Variants in MTM1 observed in about 807,000 individuals in gnomAD.
The protein encoded by MTM1 is myotubularin 1, also known as myotubularin.
A neutral mutation model predicts 52.1 loss-of-function variants in MTM1; 9 were observed. That is an observed-to-expected ratio of 0.17 (90% confidence interval 0.10 to 0.30). MTM1 has a LOEUF of 0.30. MTM1 is among the 10% of genes least tolerant of loss of function. MTM1 has a pLI of 1.00. For synonymous variants in MTM1, 136 were observed against 163.8 expected (o/e 0.83, Z 1.29); for missense variants, 277 against 470.7 (o/e 0.59, Z 3.81).
chrX:150,584,639 C>T (rs185883883), intron 1 of MTM1, among the ~76,000 whole-genome samples: 6 of 110,957 alleles, frequency 5.4e-5, no homozygotes, highest in African/African-American at 2.0e-4. Context: ...ATCTAAGAGA[C>T]GGGACACAAA....
intron 1 of MTM1, among the ~76,000 whole-genome samples, chrX:150,590,249 C>A (rs781985069): frequency 6.2e-5 from 7 of 112,322 alleles, no homozygotes; most frequent in Non-Finnish European, 1.1e-4. Context: ...GGAACTGGCA[C>A]ATGTTATCTG....
chrX:150,618,060 C>T (rs1221417702), intron 5 of MTM1, among the ~76,000 whole-genome samples: 1 of 111,930 alleles, frequency 8.9e-6, no homozygotes, highest in Non-Finnish European at 1.9e-5. Flanking sequence ...ACAAAGTTTT[C>T]CTGCTTATTG....
chrX:150,577,421 T>C (rs945766796), intron 1 of MTM1, among the ~76,000 whole-genome samples: 29 of 112,836 alleles, frequency 2.6e-4, no homozygotes, highest in African/African-American at 8.7e-4. Context: ...TTGTGCCATT[T>C]TGCATTCCTA....
rs1417860608 is a variant in MTM1 at position 150,663,246 on chromosome X, T to G, written c.1468-187T>G. Among the ~76,000 whole-genome samples the G allele has an allele frequency of 2.7e-5, 3 of 112,258 alleles. No individual in the cohort carries two copies. In the Admixed American group the frequency reaches 2.8e-4, roughly 11 times the overall value. ...GGCTCTCAAGCTAGGCCATTACCTA[T>G]GCAAATATCGATAAGTGGCTGCCAA... On this transcript the variant is annotated intron_variant, in intron 13 of 14. Coordinates refer to ENST00000370396, the MANE Select transcript of MTM1 (RefSeq NM_000252.3).
At chrX:150,603,818 T>G (rs1227339034) in intron 4 of MTM1, among the ~76,000 whole-genome samples, 5 of 111,179 alleles carry the variant, frequency 4.5e-5, no homozygotes, top group African/African-American at 1.6e-4. Context: ...GGGAAGAGTA[T>G]GTAACATAAA....
At chrX:150,585,936 C>T (rs1028339698) in intron 1 of MTM1, among the ~76,000 whole-genome samples, 1 of 111,591 alleles carries the variant, frequency 9.0e-6, no homozygotes, top group African/African-American at 3.3e-5. Context: ...TGCCATTTGT[C>T]GTGAGGGGAC....
At chrX:150,568,286 C>G (rs2038290058), upstream of MTM1, among the ~76,000 whole-genome samples, 1 of 113,284 alleles carries the variant, frequency 8.8e-6, no homozygotes, top group Non-Finnish European at 1.9e-5. Flanking sequence ...CTACGCTTCC[C>G]AGCCGCCTCC....
At position 150,630,092 on chromosome X, in the gene MTM1, ATTC is replaced by A. The variant is rs377284789; in HGVS notation, c.445-8842_445-8840del. 4.6e-3 allele frequency among the ~76,000 whole-genome samples: 512 copies of A among 111,597 alleles called. 7 individuals carry two copies. Among genetic ancestry groups the A allele is most frequent in the African/African-American group, 0.016 (486 of 30,739 alleles). ...AGGACATGGACATCTTTGGGAAGAC[ATTC>A]TTCTTCTTATTTTTTTAAACAGAGT... is the stretch of plus-strand genomic sequence containing the variant. On this transcript the variant is annotated intron_variant, in intron 6 of 14. Transcript: ENST00000370396.
intron 14 of MTM1, 74 bp from the exon 15 acceptor site, chrX:150,671,354 C>T: frequency 9.0e-7 from 1 of 1,113,916 alleles, no homozygotes; most frequent in Non-Finnish European, 1.2e-6. Flanking sequence ...GCAGTCACAG[C>T]AGATGGGTGG....
intron 5 of MTM1, among the ~76,000 whole-genome samples, chrX:150,615,430 G>A (rs782058472): frequency 3.5e-4 from 38 of 109,334 alleles, no homozygotes; most frequent in Admixed American, 1.2e-3. Context: ...GGCCACATCA[G>A]ATTTCTGTTG....
chrX:150,634,689 T>C (rs935903069), intron 6 of MTM1, among the ~76,000 whole-genome samples: 2 of 111,615 alleles, frequency 1.8e-5, no homozygotes, highest in Non-Finnish European at 3.8e-5. Context: ...GCCCAAATAC[T>C]AATATAGAGC....
intron 2 of MTM1, 63 bp from the exon 3 acceptor site, chrX:150,596,435 G>T: frequency 1.1e-6 from 1 of 891,890 alleles, no homozygotes. Flanking sequence ...TGTATTCCTA[G>T]TTGCTTAAAA....
chrX:150,592,579 A>C lies in MTM1; in HGVS notation c.-10-26A>C, dbSNP rs1231843267. 3.6e-6 allele frequency: 4 copies of C among 1,101,889 alleles called. No individual in the cohort carries two copies. In the African/African-American group the frequency reaches 7.3e-5, roughly 20 times the overall value. The allele number at this position is 1,101,889 out of a possible 1,213,427, so 90.8% of individuals were successfully genotyped here. A position where few individuals can be genotyped will look rare whatever the true frequency, so the allele number is the denominator to read the frequency against. On this transcript the variant is annotated intron_variant, in intron 1 of 14. Coordinates refer to ENST00000370396, the MANE Select transcript of MTM1 (RefSeq NM_000252.3). ...TTGAAATTGCATACAAATTCAGTTG[A>C]TATTGAATGTTGTGTTTCTTGGTAG...
intron 6 of MTM1, among the ~76,000 whole-genome samples, chrX:150,636,921 C>T (rs1416184792): frequency 8.9e-6 from 1 of 112,658 alleles, no homozygotes; most frequent in African/African-American, 3.2e-5. Context: ...CAAAGTCCCT[C>T]TGTCTTTAAT....
chrX:150,590,005 T>C (rs1291830147), intron 1 of MTM1, among the ~76,000 whole-genome samples: 1 of 111,820 alleles, frequency 8.9e-6, no homozygotes, highest in African/African-American at 3.3e-5. Flanking sequence ...TTCATTTGTT[T>C]CACCTAATAA....
chrX:150,665,774 C>A (rs1375619282), intron 14 of MTM1, among the ~76,000 whole-genome samples: 1 of 112,278 alleles, frequency 8.9e-6, no homozygotes, highest in Admixed American at 9.4e-5. Context: ...ATGGAAAGAC[C>A]AATGCTTACA....
At chrX:150,583,696 T>TCATAAATA (rs2038698539) in intron 1 of MTM1, among the ~76,000 whole-genome samples, 3 of 35,102 alleles carry the variant, frequency 8.5e-5, no homozygotes, top group East Asian at 7.9e-4. Flanking sequence ...TATATATTAT[T>TCATAAATA]TATAAATATA....
rs782109971 is a variant in MTM1, at chrX:150,619,101, A to T, written c.406A>T (p.Ile136Phe). The T allele has an allele frequency of 8.3e-7, 1 of 1,209,782 alleles. No homozygotes were observed. The highest frequency in any genetic ancestry group is 1.1e-6 in the Non-Finnish European group (1 of 893,982). Residue 136 changes from isoleucine (I) to phenylalanine (F), a missense_variant, in exon 6 of 15, where the codon ATC becomes TTC. Around this residue, in one of 4 missense-constraint regions of MTM1, gnomAD observed 164 missense variants for 283.3 expected, o/e 0.58. Transcript: ENST00000370396. ...CCACAGCAGAAGAGATATGTTTGAGATCCTCACGAGATACGCGTTTCCCCT... is the reference window on the plus strand; with the variant it reads ...CCACAGCAGAAGAGATATGTTTGAGTTCCTCACGAGATACGCGTTTCCCCT... ...EGHSRRDMFEILTRYAFPLAH... is the reference protein window; with the variant it reads ...EGHSRRDMFEFLTRYAFPLAH...
At chrX:150,669,740 A>G (rs1290006076) in intron 14 of MTM1, among the ~76,000 whole-genome samples, 1 of 111,892 alleles carries the variant, frequency 8.9e-6, no homozygotes, top group Non-Finnish European at 1.9e-5. Context: ...TTTTATAAAT[A>G]TGTTTAAGTT....
Sources: allele counts gnomAD v4.1 joint callset (sites outside exome capture counted in the v4.1 genomes callset), GRCh38; gene constraint gnomAD v4.1.1; regional missense constraint gnomAD v4.1.1; transcripts MANE v1.5; gene names NCBI Gene and HGNC (gene_info 2026-07-23, HGNC 2026-07-21).